The following TCEA1 variants were observed in gnomAD, a reference collection of about 807,000 sequenced individuals.
TCEA1 encodes the protein transcription elongation factor A protein 1.
Under a neutral mutation model 43.8 loss-of-function variants are expected in TCEA1, and 21 were observed. The observed-to-expected ratio is 0.48, with a 90% CI of 0.34 to 0.69. The LOEUF is 0.69. Among genes scored for constraint, TCEA1 ranks in the 30% least tolerant of loss-of-function variants. TCEA1 has a pLI of 0.01. For missense variants in TCEA1, 250 were observed against 365.1 expected, an observed-to-expected ratio of 0.68 and a Z score of 2.57; for synonymous variants, 104 against 117.5, an observed-to-expected ratio of 0.88 and a Z score of 0.75.
intron 3 of TCEA1, among the ~76,000 whole-genome samples, chr8:53,995,388 A>G (rs1804023640): frequency 6.6e-6 from 1 of 151,678 alleles, no homozygotes; most frequent in Non-Finnish European, 1.5e-5. Flanking sequence ...GAGCCCAGGA[A>G]CTTGAGGCTG....
chr8:53,984,055 G>A (rs903365792), intron 7 of TCEA1, among the ~76,000 whole-genome samples: 6 of 152,130 alleles, frequency 3.9e-5, no homozygotes, highest in African/African-American at 1.4e-4. Flanking sequence ...GGCCAAGATC[G>A]TGCCATTGCA....
At position 53,968,103 on chromosome 8, in the gene TCEA1, C is replaced by A. The variant is rs769876072; in HGVS notation, c.*1G>T. 9 of 1,524,946 alleles carry A rather than the reference C, an allele frequency of 5.9e-6. No homozygotes were observed. The highest frequency in any genetic ancestry group is 8.0e-6 in the Non-Finnish European group (9 of 1,128,356). 94.5% of individuals were successfully genotyped at this position (1,524,946 alleles called of 1,614,324 possible). On this transcript the variant is annotated 3_prime_UTR_variant, in exon 10 of 10. Coordinates refer to ENST00000521604, the MANE Select transcript of TCEA1 (RefSeq NM_006756.4). ...CCAGATATTTTGCCAATTCTTCCAA[C>A]TCAACAGAACTGTCAAAAAAGAAAA... is the stretch of plus-strand genomic sequence containing the variant.
intron 2 of TCEA1, among the ~76,000 whole-genome samples, chr8:54,003,926 T>G (rs374657177): frequency 6.6e-6 from 1 of 150,876 alleles, no homozygotes; most frequent in East Asian, 2.0e-4. Context: ...TAAAGAACTA[T>G]TACAACTCGA....
intron 8 of TCEA1, chr8:53,971,347 A>G: frequency 6.6e-6 from 1 of 152,640 alleles, no homozygotes; most frequent in Non-Finnish European, 1.5e-5. Flanking sequence ...ATGGTAGCTC[A>G]CGCCTGTAAT....
chr8:53,968,824 C>T (rs1186750913), intron 9 of TCEA1, among the ~76,000 whole-genome samples: 1 of 152,080 alleles, frequency 6.6e-6, no homozygotes, highest in Non-Finnish European at 1.5e-5. Flanking sequence ...AAAACAAATC[C>T]AAGAGAACAG....
intron 2 of TCEA1, among the ~76,000 whole-genome samples, chr8:54,008,624 T>C (rs75990137): frequency 0.13 from 19,562 of 150,408 alleles, 3,359 homozygotes; most frequent in African/African-American, 0.4. Context: ...AATGATCATG[T>C]CATTGCACTA....
chr8:54,021,757 G>C (rs1346604636), intron 1 of TCEA1: 1 of 282,052 alleles, frequency 3.5e-6, no homozygotes, highest in Non-Finnish European at 6.5e-6. Context: ...AATTGCCAAG[G>C]TTTTACTAGC....
chr8:53,982,336 G>A (rs568796936), intron 7 of TCEA1, among the ~76,000 whole-genome samples: 3 of 152,172 alleles, frequency 2.0e-5, no homozygotes, highest in Non-Finnish European at 4.4e-5. Flanking sequence ...GGCCAGGCAC[G>A]GTGGCTCACG....
At chr8:53,999,351 T>C (rs1207534167) in intron 3 of TCEA1, among the ~76,000 whole-genome samples, 2 of 149,208 alleles carry the variant, frequency 1.3e-5, no homozygotes, top group Non-Finnish European at 3.0e-5. Flanking sequence ...AACCTGAACA[T>C]AAACCATAAA....
chr8:54,018,170 A>C (rs1804898993), intron 1 of TCEA1, among the ~76,000 whole-genome samples: 1 of 152,176 alleles, frequency 6.6e-6, no homozygotes. Flanking sequence ...GGAAATGTAA[A>C]TCAATATTTC....
At chr8:53,976,932 TA>T (rs1424549134) in intron 8 of TCEA1, among the ~76,000 whole-genome samples, 1 of 152,216 alleles carries the variant, frequency 6.6e-6, no homozygotes, top group East Asian at 1.9e-4. Flanking sequence ...TCAGACTAGT[TA>T]AATTAAGTAT....
chr8:54,008,172 CAAAAAAAAA>C lies in TCEA1; in HGVS notation c.126+2249_126+2257del, dbSNP rs777634895. ...TGGGCCACAGAGTGAAACTGTGTCT[CAAAAAAAAA>C]AAAAAAAAAAAAAAAGCTTCTGCAC... is the stretch of plus-strand genomic sequence containing the variant. On this transcript the variant is annotated intron_variant, in intron 2 of 9. Transcript: ENST00000521604. Among the ~76,000 whole-genome samples the C allele has an allele frequency of 5.4e-4, 23 of 42,360 alleles. No individual in the cohort carries two copies. In the Admixed American group the frequency reaches 6.0e-3, roughly 11 times the overall value. 27.8% of individuals were successfully genotyped at this position (42,360 alleles called of 152,430 possible). A position where few individuals can be genotyped will look rare whatever the true frequency, so the allele number is the denominator to read the frequency against.
rs535582206 is a variant in TCEA1, at chr8:54,003,352, A to G, written c.127-3302T>C. On this transcript the variant is annotated intron_variant, in intron 2 of 9. Transcript: ENST00000521604. ...AGAATCCCATCTGCCTTTAGTGTAG[A>G]AATTGACAAGCGTACCCTAAAGTCC... Among the ~76,000 whole-genome samples the G allele has an allele frequency of 2.6e-4, 39 of 152,336 alleles. No homozygotes were observed. In the South Asian group the frequency reaches 7.9e-3, roughly 31 times the overall value.
intron 8 of TCEA1, among the ~76,000 whole-genome samples, chr8:53,976,132 T>C (rs1046295338): frequency 1.3e-5 from 2 of 152,162 alleles, no homozygotes; most frequent in African/African-American, 2.4e-5. Context: ...TAAATACTAA[T>C]AATGTTGCAG....
chr8:54,016,605 G>C (rs527831262), intron 1 of TCEA1, among the ~76,000 whole-genome samples: 84 of 152,220 alleles, frequency 5.5e-4, no homozygotes, highest in African/African-American at 1.8e-3. Flanking sequence ...TTGGGAGGCT[G>C]AAGCGGGTAG....
intron 8 of TCEA1, among the ~76,000 whole-genome samples, chr8:53,970,689 G>C (rs543951024): frequency 2.6e-5 from 4 of 152,146 alleles, no homozygotes; most frequent in Admixed American, 2.6e-4. Context: ...ATATATCCCA[G>C]ATAAGTGGGA....
At chr8:53,984,617 C>T (rs1013058107) in intron 6 of TCEA1, 100 bp from the exon 7 acceptor site, 1 of 1,019,758 alleles carries the variant, frequency 9.8e-7, no homozygotes. Context: ...GGCACGGTGG[C>T]TCATGCCTGT....
intron 8 of TCEA1, chr8:53,973,382 C>A (rs574925161): frequency 2.0e-6 from 1 of 507,782 alleles, no homozygotes; most frequent in East Asian, 4.9e-5. Flanking sequence ...GAAAAAAAGA[C>A]AAAAAGAAAA....
chr8:54,018,445 C>T (rs1244368836), intron 1 of TCEA1, among the ~76,000 whole-genome samples: 1 of 152,172 alleles, frequency 6.6e-6, no homozygotes, highest in African/African-American at 2.4e-5. Flanking sequence ...ACACTAGAAG[C>T]ATTTTATATT....
Sources: gnomAD v4.1 joint callset for allele counts (sites outside exome capture counted in the v4.1 genomes callset) on GRCh38, gnomAD v4.1.1 for gene constraint, MANE v1.5 for transcripts, NCBI Gene and HGNC (gene_info 2026-07-23, HGNC 2026-07-21) for gene names.